ZNF492: variants seen among roughly 807,000 people sequenced by gnomAD.
ZNF492 encodes the protein zinc finger protein 115 (Y20).
ZNF492 carries 3 observed loss-of-function variants against 6.4 expected under a neutral mutation model. The ratio of observed to expected loss-of-function variants is 0.47; its 90% CI spans 0.21 to 1.22. The LOEUF is 1.22. ZNF492 is among the 50% of genes most tolerant of loss of function. The pLI is 0.22. For synonymous variants in ZNF492, 112 were observed against 205.3 expected (o/e 0.55, Z 3.89); for missense variants, 356 against 612.5 (o/e 0.58, Z 4.42).
intron 1 of ZNF492, among the ~76,000 whole-genome samples, chr19:22,646,607 G>C (rs1026194562): frequency 1.3e-5 from 2 of 152,164 alleles, no homozygotes; most frequent in Non-Finnish European, 2.9e-5. Flanking sequence ...TTTTCAAAGA[G>C]AATGCTTCCA....
At chr19:22,646,751 C>T (rs1214140721) in intron 1 of ZNF492, among the ~76,000 whole-genome samples, 3 of 152,100 alleles carry the variant, frequency 2.0e-5, no homozygotes, top group East Asian at 3.9e-4. Context: ...TATCAAAGGC[C>T]ATTTCTGCAT....
At chr19:22,636,298 C>T (rs1474469695) in intron 1 of ZNF492, among the ~76,000 whole-genome samples, 4 of 151,994 alleles carry the variant, frequency 2.6e-5, no homozygotes, top group Non-Finnish European at 4.4e-5. Flanking sequence ...GGGGTTTCTC[C>T]ATGTTGGTCA....
At chr19:22,639,804 TAA>T (rs1298792547) in intron 1 of ZNF492, among the ~76,000 whole-genome samples, 3 of 151,018 alleles carry the variant, frequency 2.0e-5, no homozygotes, top group African/African-American at 4.9e-5. Flanking sequence ...TAAAAAGAAA[TAA>T]GTTTGACTTC....
rs751840853 is a variant in ZNF492, at chr19:22,664,152, A to C, written c.483A>C (p.Arg161Ser). The change falls in exon 4 of 4, where the codon AGA becomes AGC. Residue 161 changes from arginine to serine, a missense_variant. Transcript: ENST00000456783. ...TTTCACACTTAGCTCAACATAAAAG[A>C]ATTCATAGTGGAGAGAAACCCTACA... ...CMLSHLAQHK[R>S]IHSGEKPYKC... 34 of 1,605,914 alleles carry C rather than the reference A, an allele frequency of 2.1e-5. No individual in the cohort carries two copies. The highest frequency in any genetic ancestry group is 1.8e-5 in the Non-Finnish European group (21 of 1,176,142).
rs201704100 is a variant in ZNF492 at position 22,665,987 on chromosome 19, C to A, written c.*722C>A. On this transcript the variant is annotated 3_prime_UTR_variant, in exon 4 of 4. Coordinates refer to ENST00000456783, the MANE Select transcript of ZNF492 (RefSeq NM_020855.3). ...TGGCAGAAAAATTATTTGTTTATAACTTTAAAAGAGTAGAAGATTTTTTGG... is the reference window on the plus strand; with the variant it reads ...TGGCAGAAAAATTATTTGTTTATAAATTTAAAAGAGTAGAAGATTTTTTGG... 6.6e-6 allele frequency: 1 copy of A among 152,062 alleles called. No homozygotes were observed. The highest frequency in any genetic ancestry group is 1.9e-4 in the East Asian group (1 of 5,174). 9.4% of individuals were successfully genotyped at this position (152,062 alleles called of 1,614,324 possible). A position where few individuals can be genotyped will look rare whatever the true frequency, so the allele number is the denominator to read the frequency against.
chr19:22,660,744 T>G (rs1972050074), intron 3 of ZNF492, among the ~76,000 whole-genome samples: 1 of 151,970 alleles, frequency 6.6e-6, no homozygotes, highest in African/African-American at 2.4e-5. Flanking sequence ...ATTATGTGTT[T>G]TTTTTTTTAA....
chr19:22,665,790 A>G lies in ZNF492; in HGVS notation c.*525A>G, dbSNP rs1972119147. 6.5e-6 allele frequency: 1 copy of G among 153,778 alleles called. No homozygotes were observed. The highest frequency in any genetic ancestry group is 2.0e-4 in the South Asian group (1 of 4,978). 9.5% of individuals were successfully genotyped at this position (153,778 alleles called of 1,614,324 possible). Reference sequence around the variant, plus strand: ...AACTACAGGTTAGAAAATTCCAGAGAGTTCATATTAAAATATTTTTGCATA... The same window carrying G: ...AACTACAGGTTAGAAAATTCCAGAGGGTTCATATTAAAATATTTTTGCATA... On this transcript the variant is annotated 3_prime_UTR_variant, in exon 4 of 4. Transcript: ENST00000456783.
chr19:22,634,483 G>T lies in ZNF492; in HGVS notation c.-94+9G>T. On this transcript the variant is annotated intron_variant, in intron 1 of 3. Transcript: ENST00000456783. ...CTGGAAGCCTAGAAACGGTGAGAGT[G>T]CCGGGTCCGACATCCCGAGAGAGGG... 2 of 1,385,602 alleles carry T rather than the reference G, an allele frequency of 1.4e-6. No homozygotes were observed. Among genetic ancestry groups the T allele is most frequent in the Middle Eastern group, 3.7e-4 (2 of 5,372 alleles). 85.8% of individuals were successfully genotyped at this position (1,385,602 alleles called of 1,614,324 possible).
chr19:22,634,399 C>G lies in ZNF492; in HGVS notation c.-169C>G. On this transcript the variant is annotated 5_prime_UTR_variant, in exon 1 of 4. Transcript: ENST00000456783. Reference sequence around the variant, plus strand: ...CGTCCTCTGGTCCTAGAGGCCCATCCTCTGTGGCCCTGTGACCTGCAGGTA... The same window carrying G: ...CGTCCTCTGGTCCTAGAGGCCCATCGTCTGTGGCCCTGTGACCTGCAGGTA... 1 of 1,303,670 alleles carries G rather than the reference C, an allele frequency of 7.7e-7. No individual in the cohort carries two copies. Among genetic ancestry groups the G allele is most frequent in the South Asian group, 1.2e-5 (1 of 85,294 alleles). The allele number at this position is 1,303,670 out of a possible 1,614,324, so 80.8% of individuals were successfully genotyped here. A position where few individuals can be genotyped will look rare whatever the true frequency, so the allele number is the denominator to read the frequency against.
intron 1 of ZNF492, among the ~76,000 whole-genome samples, chr19:22,638,468 G>A (rs6511367): frequency 0.19 from 29,437 of 151,944 alleles, 3,716 homozygotes; most frequent in African/African-American, 0.37. Flanking sequence ...TTATTAAATA[G>A]GGATTTCTTT....
chr19:22,634,499 C>A, intron 1 of ZNF492, 25 bp downstream of exon 1: 4 of 1,374,486 alleles, frequency 2.9e-6, no homozygotes, highest in African/African-American at 1.5e-5. Flanking sequence ...TCCGACATCC[C>A]GAGAGAGGGG....
At chr19:22,661,100 G>T (rs1343533017) in intron 3 of ZNF492, among the ~76,000 whole-genome samples, 1 of 151,818 alleles carries the variant, frequency 6.6e-6, no homozygotes, top group African/African-American at 2.4e-5. Flanking sequence ...ATATGTATCT[G>T]TTTAAATATC....
At chr19:22,657,340 T>C (rs961018085) in intron 3 of ZNF492, among the ~76,000 whole-genome samples, 4 of 152,168 alleles carry the variant, frequency 2.6e-5, no homozygotes, top group African/African-American at 7.2e-5. Context: ...TTTTTCTTTA[T>C]TTAGCAATGT....
intron 1 of ZNF492, among the ~76,000 whole-genome samples, chr19:22,647,727 G>GTTTTTTTTTTTTTTTTTT (rs71180575): frequency 1.6e-4 from 15 of 92,570 alleles, no homozygotes; most frequent in East Asian, 9.6e-4. Context: ...AGCTCTTTTA[G>GTTTTTTTTTTTTTTTTTT]TTTTTTTTTT....
chr19:22,653,566 TAGAAAAGA>T, intron 2 of ZNF492, 133 bp downstream of exon 2: 1 of 1,259,196 alleles, frequency 7.9e-7, no homozygotes, highest in South Asian at 1.5e-5. Context: ...TTTGTCTATG[TAGAAAAGA>T]ATTTCAAGAT....
At chr19:22,639,578 C>T (rs925685322) in intron 1 of ZNF492, among the ~76,000 whole-genome samples, 3 of 151,756 alleles carry the variant, frequency 2.0e-5, no homozygotes, top group African/African-American at 7.3e-5. Flanking sequence ...GGCGTGGTGG[C>T]GCATACCTTT....
chr19:22,653,418 A>G lies in ZNF492; in HGVS notation c.19A>G (p.Asn7Asp). 6.2e-7 allele frequency: 1 copy of G among 1,613,896 alleles called. No homozygotes were observed. The highest frequency in any genetic ancestry group is 1.1e-5 in the South Asian group (1 of 91,036). Reference protein sequence around the residue: MLENYRNLVFVGIAASK... With the variant: MLENYRDLVFVGIAASK... ...GAATGTGATGTTAGAGAACTACAGA[A>G]ACCTGGTCTTCGTGGGTGAGGATAA... Residue 7 changes from asparagine to aspartate, a missense_variant, in exon 2 of 4, where the codon AAC (asparagine) becomes GAC (aspartate). Asn to Asp is a conservative substitution (Grantham distance 23). This residue lies in a region of ZNF492 where 196 missense variants were observed against 219.4 expected (regional missense o/e 0.89). Transcript: ENST00000456783.
rs1971961660 is a variant in ZNF492, at chr19:22,653,387, A to T, written c.-13A>T. The T allele has an allele frequency of 6.2e-7, 1 of 1,614,036 alleles. No homozygotes were observed. The highest frequency in any genetic ancestry group is 8.5e-7 in the Non-Finnish European group (1 of 1,180,026). On this transcript the variant is annotated 5_prime_UTR_variant, in exon 2 of 4. Coordinates refer to ENST00000456783, the MANE Select transcript of ZNF492 (RefSeq NM_020855.3). ...GCCTGGACACCGCACAGCAGAATTT[A>T]TATAGGAATGTGATGTTAGAGAACT...
intron 3 of ZNF492, 140 bp downstream of exon 3, chr19:22,654,155 T>C (rs1971970526): frequency 9.4e-7 from 1 of 1,063,436 alleles, no homozygotes; most frequent in South Asian, 2.0e-5. Flanking sequence ...ATTTTTTAAA[T>C]TTTGCTTTCA....
Sources: allele counts gnomAD v4.1 joint callset (sites outside exome capture counted in the v4.1 genomes callset), GRCh38; gene constraint gnomAD v4.1.1; regional missense constraint gnomAD v4.1.1; transcripts MANE v1.5; gene names NCBI Gene and HGNC (gene_info 2026-07-23, HGNC 2026-07-21).